Variants in TTN observed in about 807,000 individuals in gnomAD.
TTN encodes the protein titin, also known as connectin.
TTN carries 1,525 observed loss-of-function variants against 3,223.0 expected under a neutral mutation model. That is an observed-to-expected ratio of 0.47 (90% confidence interval 0.45 to 0.49). TTN has a LOEUF of 0.49. Ranked by LOEUF, TTN falls within the 20% of genes least tolerant of loss-of-function variation. The pLI is 0.00. For missense variants in TTN, 40,786 were observed against 43,424.0 expected (o/e 0.94, Z 5.40); for synonymous variants, 14,094 against 15,161.0 (o/e 0.93, Z 5.17).
rs753370006 is a variant in TTN, at chr2:178,729,559, G to T, written c.18597C>A (p.Pro6199=). 15 of 1,612,182 alleles carry T rather than the reference G, an allele frequency of 9.3e-6. No homozygotes were observed. The highest frequency in any genetic ancestry group is 4.0e-5 in the African/African-American group (3 of 74,736). The change falls in exon 64 of 363, where the codon CCC becomes CCA. Residue 6199 remains proline, a synonymous_variant. Coordinates refer to ENST00000589042, the MANE Select transcript of TTN (RefSeq NM_001267550.2). ...CAGGCTTCAGCTCTCTGATAAAGGTGGGGGGTTCTAAAGATTCAAAAGGAA... is the reference window on the plus strand; with the variant it reads ...CAGGCTTCAGCTCTCTGATAAAGGTTGGGGGTTCTAAAGATTCAAAAGGAA... ...CSIELKVKEP[P]TFIRELKPVE...
chr2:178,675,558 G>T, intron 149 of TTN, 113 bp downstream of exon 149: 7 of 842,372 alleles, frequency 8.3e-6, no homozygotes, highest in Non-Finnish European at 1.1e-5. Context: ...CAGAAATGAC[G>T]AATGTGAATG....
At chr2:178,640,425 A>G in intron 221 of TTN, 116 bp downstream of exon 221, 3 of 946,494 alleles carry the variant, frequency 3.2e-6, no homozygotes, top group Non-Finnish European at 4.8e-6. Flanking sequence ...AAATTAAGCC[A>G]TATGTGATTA....
In TTN at chr2:178,725,973, T is replaced by C. The variant is rs1408403390; in HGVS notation, c.20349A>G (p.Glu6783=). 2 of 1,610,926 alleles carry C rather than the reference T, an allele frequency of 1.2e-6. No homozygotes were observed. Among genetic ancestry groups the C allele is most frequent in the East Asian group, 2.2e-5 (1 of 44,764 alleles). ...LKNAEVSLEC[E]LSGTPPFEVV... ...CCTCAAACGGTGGTGTTCCCGAAAG[T>C]TCACATTCAAGACTGACTTCAGCAT... is the stretch of plus-strand genomic sequence containing the variant. Residue 6783 remains glutamate, a synonymous_variant, in exon 70 of 363, where the codon GAA becomes GAG. Transcript: ENST00000589042.
At position 178,546,795 on chromosome 2, in the gene TTN, G is replaced by T. The variant is rs202187398; in HGVS notation, c.94633C>A (p.Arg31545Ser). The change falls in exon 341 of 363, where the codon CGT (arginine) becomes AGT (serine). Residue 31545 changes from arginine to serine, a missense_variant. Arg to Ser is a moderately radical substitution (Grantham distance 110, BLOSUM62 -1). Transcript: ENST00000589042. Reference sequence around the variant, plus strand: ...TCTCCTACCTCACTGACTGGCTTACGCTCTATGATGTAGCCCACAACCTTG... The same window carrying T: ...TCTCCTACCTCACTGACTGGCTTACTCTCTATGATGTAGCCCACAACCTTG... ...GSKVVGYIIE[R>S]KPVSEVGDGR... 1 of 1,613,628 alleles carries T rather than the reference G, an allele frequency of 6.2e-7. No homozygotes were observed. The highest frequency in any genetic ancestry group is 1.3e-5 in the African/African-American group (1 of 75,016).
intron 88 of TTN, 107 bp downstream of exon 88, chr2:178,716,988 C>G (rs1577933381): frequency 7.7e-7 from 1 of 1,291,436 alleles, no homozygotes; most frequent in East Asian, 2.5e-5. Context: ...ATTTTCATCA[C>G]TAGACCCTGG....
At position 178,539,413 on chromosome 2, in the gene TTN, A is replaced by G. The variant is rs1397785569; in HGVS notation, c.98652T>C (p.Ser32884=). The change falls in exon 352 of 363, where the codon TCT becomes TCC. Residue 32884 remains serine, a synonymous_variant. Transcript: ENST00000589042. ...GTGTTTTTGGTGTGACTGGTTCCTC[A>G]GATTTCAAGGGTTTGCTTATGCCAA... ...NQFGISKPLK[S]EEPVTPKTPL... is the part of the protein sequence containing the mutation. The G allele has an allele frequency of 1.2e-6, 2 of 1,612,876 alleles. No homozygotes were observed. The highest frequency in any genetic ancestry group is 1.7e-6 in the Non-Finnish European group (2 of 1,179,054).
rs2056391754 is a variant in TTN at position 178,611,907 on chromosome 2, G to C, written c.50402C>G (p.Ala16801Gly). 2 of 1,612,556 alleles carry C rather than the reference G, an allele frequency of 1.2e-6. No individual in the cohort carries two copies. The highest frequency in any genetic ancestry group is 1.7e-5 in the Admixed American group (1 of 59,920). ...ACAGTCAGGTCCTGCAGTCTTTCCA[G>C]CTTTCACCCAACGGGTACCTAACCT... ...KERLGTRWVK[A>G]GKTAGPDCNF... Residue 16801 changes from alanine to glycine, a missense_variant, in exon 268 of 363, where the codon GCT (alanine) becomes GGT (glycine). Physicochemically the swap from Ala to Gly is moderately conservative, Grantham distance 60. Coordinates refer to ENST00000589042, the MANE Select transcript of TTN (RefSeq NM_001267550.2).
chr2:178,761,211 T>C (rs1254731263), intron 43 of TTN, among the ~76,000 whole-genome samples: 4 of 152,136 alleles, frequency 2.6e-5, no homozygotes, highest in Non-Finnish European at 5.9e-5. Flanking sequence ...AGGCCTATTG[T>C]AATAATCTCT....
chr2:178,581,789 G>T lies in TTN; in HGVS notation c.66479C>A (p.Pro22160Gln). The change falls in exon 316 of 363, where the codon CCG (proline) becomes CAG (glutamine). Residue 22160 changes from proline to glutamine, a missense_variant. Coordinates refer to ENST00000589042, the MANE Select transcript of TTN (RefSeq NM_001267550.2). ...TGTATCATATACTTTAGGGAAAGCC[G>T]GTGGGCCAGGAGGATCTGAGAATAA... ...ARDPQYPPGPPAFPKVYDTTR... is the reference protein window; with the variant it reads ...ARDPQYPPGPQAFPKVYDTTR... 1 of 1,598,212 alleles carries T rather than the reference G, an allele frequency of 6.3e-7. No homozygotes were observed. Among genetic ancestry groups the T allele is most frequent in the Non-Finnish European group, 8.5e-7 (1 of 1,171,982 alleles).
At position 178,729,362 on chromosome 2, in the gene TTN, T is replaced by C. The variant is rs1403981596; in HGVS notation, c.18794A>G (p.Asp6265Gly). ...NLHITKCDPS[D>G]TGEYQCIVSN... ...TACAATGCACTGGTATTCCCCAGTG[T>C]CTGAAGGGTCACACTTGGTTATATG... The change falls in exon 64 of 363, where the codon GAC becomes GGC. Residue 6265 changes from aspartate to glycine, a missense_variant. Asp to Gly is a moderately conservative substitution (Grantham distance 94). Coordinates refer to ENST00000589042, the MANE Select transcript of TTN (RefSeq NM_001267550.2). 1 of 1,613,638 alleles carries C rather than the reference T, an allele frequency of 6.2e-7. No homozygotes were observed. Among genetic ancestry groups the C allele is most frequent in the Non-Finnish European group, 8.5e-7 (1 of 1,179,660 alleles).
chr2:178,649,136 G>T, intron 213 of TTN, 112 bp downstream of exon 213: 22 of 807,204 alleles, frequency 2.7e-5, no homozygotes, highest in South Asian at 1.6e-4. Context: ...CCTTTTTTCT[G>T]TGCAATATGG....
chr2:178,761,153 A>G (rs2089099982), intron 43 of TTN: 1 of 150,164 alleles, frequency 6.7e-6, no homozygotes, highest in African/African-American at 2.5e-5. Context: ...GCAATACCCC[A>G]CTTGTCTCTC....
Position 178,594,608 on chromosome 2 carries a change from C to T in TTN, c.57886G>A (p.Val19296Ile), listed in dbSNP as rs770490179. The T allele has an allele frequency of 1.9e-6, 3 of 1,611,718 alleles. No individual in the cohort carries two copies. The highest frequency in any genetic ancestry group is 1.1e-5 in the South Asian group (1 of 90,770). ...GTCAAAGTTACAGTATTTTTAGTAACTTCTTTGACTTCCAGGTCTTCAGGA... is the reference window on the plus strand; with the variant it reads ...GTCAAAGTTACAGTATTTTTAGTAATTTCTTTGACTTCCAGGTCTTCAGGA... ...ERPEDLEVKE[V>I]TKNTVTLTWN... Residue 19296 changes from valine to isoleucine, a missense_variant, in exon 296 of 363, where the codon GTT (valine) becomes ATT (isoleucine). By Grantham distance (29) the Val-to-Ile change is conservative. Coordinates refer to ENST00000589042, the MANE Select transcript of TTN (RefSeq NM_001267550.2).
chr2:178,693,596 G>A lies in TTN; in HGVS notation c.31594+13C>T. The A allele has an allele frequency of 6.5e-7, 1 of 1,532,950 alleles. No individual in the cohort carries two copies. Among genetic ancestry groups the A allele is most frequent in the Non-Finnish European group, 8.8e-7 (1 of 1,130,080 alleles). 95.0% of individuals were successfully genotyped at this position (1,532,950 alleles called of 1,614,324 possible). A position where few individuals can be genotyped will look rare whatever the true frequency, so the allele number is the denominator to read the frequency against. The stretch of plus-strand genomic sequence containing the variant: ...TATTAAAAGAGTTTAAACTTAGAAT[G>A]AATTACTAATACCTTTAGGTGGTGG... On this transcript the variant is annotated intron_variant, in intron 119 of 362. Transcript: ENST00000589042.
At chr2:178,747,162 T>G (rs764072752) in intron 47 of TTN, 1 of 1,607,628 alleles carries the variant, frequency 6.2e-7, no homozygotes. Flanking sequence ...CTCTCTAGAG[T>G]CTCTCCTGGG....
Position 178,554,437 on chromosome 2 carries a change from T to C in TTN, c.88894+16A>G, listed in dbSNP as rs1700542140. The C allele has an allele frequency of 1.9e-6, 3 of 1,606,962 alleles. No homozygotes were observed. Among genetic ancestry groups the C allele is most frequent in the Non-Finnish European group, 2.5e-6 (3 of 1,177,264 alleles). On this transcript the variant is annotated intron_variant, in intron 332 of 362. Transcript: ENST00000589042. ...AATTTTTCACGTTTCAGTTTTCTAA[T>C]GAAATCATGTCTCACCAAATGCGTT...
At chr2:178,799,410 G>A in intron 6 of TTN, 77 bp downstream of exon 6, 2 of 1,608,150 alleles carry the variant, frequency 1.2e-6, no homozygotes, top group Non-Finnish European at 1.7e-6. Context: ...CCCTGCGAGG[G>A]GGACAAGGGA....
chr2:178,757,227 A>ATACTGTACTTACTTTAAGTACAG (rs1553968975), intron 45 of TTN, among the ~76,000 whole-genome samples: 3 of 150,192 alleles, frequency 2.0e-5, no homozygotes, highest in African/African-American at 7.3e-5. Flanking sequence ...ACAGTAAGTA[A>ATACTGTACTTACTTTAAGTACAG]TAATCAGCAA....
chr2:178,723,028 G>C lies in TTN; in HGVS notation c.21961+18C>G. ...TTAGAAGAATGCAAATGATTTAAGA[G>C]ACAATAAGACAACACACCTAATGTA... is the stretch of plus-strand genomic sequence containing the variant. On this transcript the variant is annotated intron_variant, in intron 75 of 362. Coordinates refer to ENST00000589042, the MANE Select transcript of TTN (RefSeq NM_001267550.2). 1 of 1,608,346 alleles carries C rather than the reference G, an allele frequency of 6.2e-7. No homozygotes were observed. Among genetic ancestry groups the C allele is most frequent in the Non-Finnish European group, 8.5e-7 (1 of 1,177,196 alleles).
Sources: gnomAD v4.1 joint callset for allele counts (sites outside exome capture counted in the v4.1 genomes callset) on GRCh38, gnomAD v4.1.1 for gene constraint, MANE v1.5 for transcripts, NCBI Gene and HGNC (gene_info 2026-07-23, HGNC 2026-07-21) for gene names.